Variants in SCMH1 observed in about 807,000 individuals in gnomAD.
The protein encoded by SCMH1 is polycomb protein SCMH1.
In SCMH1, 37 loss-of-function variants were observed where a neutral mutation model predicts 70.8. That is an observed-to-expected ratio of 0.52 (90% CI 0.40 to 0.69). The LOEUF (loss-of-function observed/expected upper bound fraction) is 0.69. Among genes scored for constraint, SCMH1 ranks in the 30% least tolerant of loss-of-function variants. SCMH1 has a pLI of 0.00. For missense variants in SCMH1, 607 were observed against 827.3 expected (o/e 0.73, Z 3.27); for synonymous variants, 292 against 307.4 (o/e 0.95, Z 0.52).
chr1:41,104,754 G>A lies in SCMH1; in HGVS notation c.745+8529C>T, dbSNP rs546428952. Among the ~76,000 whole-genome samples the A allele has an allele frequency of 4.6e-5, 7 of 152,202 alleles. No homozygotes were observed. In the South Asian group the frequency reaches 1.2e-3, roughly 27 times the overall value. On this transcript the variant is annotated intron_variant, in intron 8 of 14. Transcript: ENST00000337495. ...GTATATTAGCTGCCAAACCTGTAGA[G>A]ACCACACCCTCCTGGTTGTTGTGGC...
Position 41,133,833 on chromosome 1 carries a change from T to C in SCMH1, c.412+9045A>G, listed in dbSNP as rs573560831. On this transcript the variant is annotated intron_variant, in intron 6 of 14. Coordinates refer to ENST00000337495, the Ensembl canonical transcript of SCMH1. ...AAAAGTCCAGGACCAGATGGATTCA[T>C]AGTCAAATTCTACCAGAGGTACAAA... is the stretch of plus-strand genomic sequence containing the variant. Among the ~76,000 whole-genome samples the C allele has an allele frequency of 9.9e-5, 15 of 152,280 alleles. No homozygotes were observed. In the South Asian group the frequency reaches 2.9e-3, roughly 29 times the overall value.
intron 2 of SCMH1, among the ~76,000 whole-genome samples, chr1:41,162,013 G>A (rs1646074628): frequency 6.6e-6 from 1 of 152,194 alleles, no homozygotes; most frequent in Non-Finnish European, 1.5e-5. Context: ...GCCGGTGGGA[G>A]CCTGGGAGCA....
intron 8 of SCMH1, among the ~76,000 whole-genome samples, chr1:41,107,657 C>T (rs967731773): frequency 1.3e-5 from 2 of 152,058 alleles, no homozygotes; most frequent in South Asian, 2.1e-4. Context: ...GTAGCTGGGA[C>T]TACAGGTGGG....
intron 1 of SCMH1, among the ~76,000 whole-genome samples, chr1:41,219,410 G>A (rs1372676292): frequency 6.6e-6 from 1 of 152,234 alleles, no homozygotes; most frequent in Non-Finnish European, 1.5e-5. Flanking sequence ...AAGTATGGGT[G>A]GCCTGGGGAT....
chr1:41,185,998 C>A, intron 2 of SCMH1, 123 bp downstream of exon 2: 1 of 1,023,864 alleles, frequency 9.8e-7, no homozygotes, highest in Non-Finnish European at 1.4e-6. Context: ...ACAAAAATGA[C>A]ATCATGGCTA....
rs545923457 is a variant in SCMH1 at position 41,229,568 on chromosome 1, C to T, written c.-118+12491G>A. 4.6e-5 allele frequency among the ~76,000 whole-genome samples: 7 copies of T among 152,180 alleles called. No individual in the cohort carries two copies. The East Asian group carries it at 1.4e-3, about 29-fold the overall frequency. On this transcript the variant is annotated intron_variant, in intron 1 of 14. Transcript: ENST00000337495. ...GAACACTTGGACACAGGGAGGGGAACAGCACACACCAGGGCCTGTCGGAGG... is the reference window on the plus strand; with the variant it reads ...GAACACTTGGACACAGGGAGGGGAATAGCACACACCAGGGCCTGTCGGAGG...
chr1:41,070,883 T>C (rs1398530554), intron 9 of SCMH1, among the ~76,000 whole-genome samples, 162 bp from the exon 10 acceptor site: 1 of 152,208 alleles, frequency 6.6e-6, no homozygotes, highest in Admixed American at 6.5e-5. Flanking sequence ...TACATATACC[T>C]GTAGTAGATG....
chr1:41,076,833 G>A (rs1417456635), intron 8 of SCMH1, among the ~76,000 whole-genome samples: 3 of 152,236 alleles, frequency 2.0e-5, no homozygotes, highest in Admixed American at 6.5e-5. Flanking sequence ...TAGAGAGTGA[G>A]TAGCAGTAAA....
intron 10 of SCMH1, among the ~76,000 whole-genome samples, chr1:41,064,536 C>A (rs912775039): frequency 1.1e-4 from 16 of 152,240 alleles, no homozygotes; most frequent in African/African-American, 3.6e-4. Context: ...TAAGTGATTA[C>A]AAGAATGCAG....
exon 9 of SCMH1, chr1:41,075,234 G>C (rs756599115): frequency 6.2e-7 from 1 of 1,614,102 alleles, no homozygotes; most frequent in Non-Finnish European, 8.5e-7. Context: ...TGCCAGGTTT[G>C]GGACCTCTCT....
intron 8 of SCMH1, among the ~76,000 whole-genome samples, chr1:41,108,777 A>G (rs1668599871): frequency 6.6e-6 from 1 of 152,252 alleles, no homozygotes; most frequent in African/African-American, 2.4e-5. Context: ...ACAGAGGCAC[A>G]GGAGTCACCT....
chr1:41,107,338 A>T (rs1668203994), intron 8 of SCMH1, among the ~76,000 whole-genome samples: 2 of 151,924 alleles, frequency 1.3e-5, no homozygotes. Context: ...CACTAACGGC[A>T]GAATCTCCAT....
intron 1 of SCMH1, among the ~76,000 whole-genome samples, chr1:41,195,222 G>C (rs995829974): frequency 6.9e-6 from 1 of 145,178 alleles, no homozygotes; most frequent in African/African-American, 2.6e-5. Flanking sequence ...CATGAAACTA[G>C]CCATAGATAA....
intron 1 of SCMH1, among the ~76,000 whole-genome samples, chr1:41,188,183 A>G (rs1300513324): frequency 2.0e-5 from 3 of 152,180 alleles, no homozygotes; most frequent in Non-Finnish European, 4.4e-5. Context: ...CACCCTAGAA[A>G]ATATATCCTC....
At chr1:41,217,321 CAA>C (rs1477222425) in intron 1 of SCMH1, among the ~76,000 whole-genome samples, 1 of 152,092 alleles carries the variant, frequency 6.6e-6, no homozygotes, top group Non-Finnish European at 1.5e-5. Context: ...GATTTCTAAG[CAA>C]AGTGTGGAAG....
intron 8 of SCMH1, among the ~76,000 whole-genome samples, chr1:41,095,813 C>T (rs992218444): frequency 6.6e-6 from 1 of 152,044 alleles, no homozygotes; most frequent in African/African-American, 2.4e-5. Flanking sequence ...GTAAGTTTAT[C>T]ATATCATTAT....
chr1:41,242,223 G>GGGGGGCGGGGC (rs1328408313), upstream of SCMH1: 12 of 145,752 alleles, frequency 8.2e-5, no homozygotes, highest in East Asian at 6.1e-4. This position sits in a 1 kb window ranked among gnomAD's most constrained non-coding sequence, Gnocchi z 5.2. Flanking sequence ...CGGCTGAGGC[G>GGGGGGCGGGGC]GGGGGCGGGG....
chr1:41,180,277 T>C (rs1648352131), intron 2 of SCMH1, among the ~76,000 whole-genome samples: 2 of 152,134 alleles, frequency 1.3e-5, no homozygotes, highest in Admixed American at 1.3e-4. Context: ...GGGCCAACAC[T>C]GGAAGCATTC....
chr1:41,178,087 C>T (rs1471890747), intron 2 of SCMH1, among the ~76,000 whole-genome samples: 2 of 152,206 alleles, frequency 1.3e-5, no homozygotes, highest in Non-Finnish European at 1.5e-5. Context: ...CAATATTCAA[C>T]ATTCTTAAAG....
Sources: gnomAD v4.1 joint callset for allele counts (sites outside exome capture counted in the v4.1 genomes callset) on GRCh38, gnomAD v4.1.1 for gene constraint, Gnocchi (gnomAD v3.1) non-coding constraint, MANE v1.5 for transcripts, NCBI Gene and HGNC (gene_info 2026-07-23, HGNC 2026-07-21) for gene names.